Variants in PCDHGA8 observed in about 807,000 individuals in gnomAD.
PCDHGA8 encodes protocadherin gamma subfamily A, 8.
PCDHGA8 carries 45 observed loss-of-function variants against 59.2 expected under a neutral mutation model. That is an observed-to-expected ratio of 0.76 (90% CI 0.60 to 0.98). PCDHGA8 has a LOEUF of 0.98. Among genes scored for constraint, PCDHGA8 ranks in the 50% least tolerant of loss-of-function variants. The pLI, the probability that PCDHGA8 is intolerant of heterozygous loss-of-function variation, is 0.00. For synonymous variants in PCDHGA8, 531 were observed against 519.0 expected (o/e 1.02, Z -0.32); for missense variants, 1,257 against 1,196.2 (o/e 1.05, Z -0.75).
At chr5:141,510,627 G>C (rs2099881988) in intron 3 of PCDHGA8, among the ~76,000 whole-genome samples, 2 of 152,090 alleles carry the variant, frequency 1.3e-5, no homozygotes, top group South Asian at 2.1e-4. Context: ...AACCAGAAGA[G>C]GTGGTTACCA....
At position 141,487,499 on chromosome 5, in the gene PCDHGA8, G is replaced by C; in HGVS notation, c.2425-7308G>C. 6.2e-7 allele frequency: 1 copy of C among 1,614,152 alleles called. No individual in the cohort carries two copies. The highest frequency in any genetic ancestry group is 1.3e-5 in the African/African-American group (1 of 75,042). ...CCACTCTCATGGCTGTACACCCTTG[G>C]CTTCTGCACCCACTCGGAGTGATAG... On this transcript the variant is annotated intron_variant, in intron 1 of 3. Coordinates refer to ENST00000398604, the MANE Select transcript of PCDHGA8 (RefSeq NM_032088.2). The surrounding 1 kb of genome is among the most constrained non-coding windows in gnomAD (Gnocchi z 5.0).
chr5:141,417,923 C>T, intron 1 of PCDHGA8: 1 of 1,608,652 alleles, frequency 6.2e-7, no homozygotes, highest in Non-Finnish European at 8.5e-7. Context: ...TCCTTTGCTG[C>T]TGCCTTTGTT....
intron 1 of PCDHGA8, among the ~76,000 whole-genome samples, chr5:141,407,447 G>A (rs1347838571): frequency 3.9e-5 from 6 of 152,260 alleles, no homozygotes; most frequent in African/African-American, 2.4e-5. Context: ...ACCAGAACAC[G>A]AGGCTCACCA....
chr5:141,411,766 C>A (rs796623075), intron 1 of PCDHGA8: 1 of 152,454 alleles, frequency 6.6e-6, no homozygotes, highest in South Asian at 2.1e-4. Context: ...CCTGTGGTCT[C>A]AGCTACTCTG....
chr5:141,409,279 T>C, intron 1 of PCDHGA8: 1 of 1,613,972 alleles, frequency 6.2e-7, no homozygotes, highest in Non-Finnish European at 8.5e-7. Context: ...TTTTGGAGAA[T>C]TCACCTCCAG....
At chr5:141,438,605 T>TAC (rs2098010130) in intron 1 of PCDHGA8, among the ~76,000 whole-genome samples, 1 of 27,802 alleles carries the variant, frequency 3.6e-5, no homozygotes. Flanking sequence ...TATATATATA[T>TAC]ATATATATAT....
In PCDHGA8 at chr5:141,394,595, G is replaced by A; in HGVS notation, c.1782G>A (p.Val594=). The change falls in exon 1 of 4, where the codon GTG becomes GTA. Residue 594 remains valine, a synonymous_variant. Coordinates refer to ENST00000398604, the MANE Select transcript of PCDHGA8 (RefSeq NM_032088.2). ...ACCTGGTGACCAAGGTGGTGGCGGT[G>A]GACAGAGACTCGGGCCAGAACGCCT... ...RGYLVTKVVA[V]DRDSGQNAWL... The A allele has an allele frequency of 6.2e-7, 1 of 1,613,740 alleles. No homozygotes were observed. Among genetic ancestry groups the A allele is most frequent in the Non-Finnish European group, 8.5e-7 (1 of 1,180,030 alleles).
At chr5:141,479,358 GC>G (rs2154577546) in intron 1 of PCDHGA8, 1 of 152,584 alleles carries the variant, frequency 6.6e-6, no homozygotes, top group Non-Finnish European at 1.5e-5. Flanking sequence ...GCTGCTCAGT[GC>G]CTGAGGTGGG....
Position 141,412,876 on chromosome 5 carries a change from A to G in PCDHGA8, c.2424+17639A>G, listed in dbSNP as rs1206092699. 12 of 281,096 alleles carry G rather than the reference A, an allele frequency of 4.3e-5. No homozygotes were observed. The East Asian group carries it at 7.9e-4, about 19-fold the overall frequency. The allele number at this position is 281,096 out of a possible 1,614,324, so 17.4% of individuals were successfully genotyped here. A position where few individuals can be genotyped will look rare whatever the true frequency, so the allele number is the denominator to read the frequency against. On this transcript the variant is annotated intron_variant, in intron 1 of 3. Coordinates refer to ENST00000398604, the MANE Select transcript of PCDHGA8 (RefSeq NM_032088.2). ...CAAAGAATCTATGTAAAATATAATAATCCAACAGAATAGTTTACTTTCCAT... is the reference window on the plus strand; with the variant it reads ...CAAAGAATCTATGTAAAATATAATAGTCCAACAGAATAGTTTACTTTCCAT...
rs1028782991 is a variant in PCDHGA8, at chr5:141,503,926, C to T, written c.2484-1467C>T. 2.6e-5 allele frequency among the ~76,000 whole-genome samples: 4 copies of T among 152,196 alleles called. No individual in the cohort carries two copies. The East Asian group carries it at 7.7e-4, about 29-fold the overall frequency. ...ACACACAACGCAACACACACACAGA[C>T]ATTTTCATGCCTTCAAGGCCTACCC... On this transcript the variant is annotated intron_variant, in intron 2 of 3. Coordinates refer to ENST00000398604, the MANE Select transcript of PCDHGA8 (RefSeq NM_032088.2).
At chr5:141,419,686 G>A (rs551990092) in intron 1 of PCDHGA8, 2 of 1,612,760 alleles carry the variant, frequency 1.2e-6, no homozygotes, top group Non-Finnish European at 1.7e-6. Flanking sequence ...ACCACGTGGT[G>A]CAGGCCAGTG....
At chr5:141,433,205 TTTC>T in intron 1 of PCDHGA8, 1 of 1,573,264 alleles carries the variant, frequency 6.4e-7, no homozygotes, top group Non-Finnish European at 8.6e-7. Context: ...TCAAATCTTC[TTTC>T]TTTTTTTTTT....
intron 1 of PCDHGA8, chr5:141,400,053 G>C: frequency 6.2e-7 from 1 of 1,613,736 alleles, no homozygotes; most frequent in Non-Finnish European, 8.5e-7. Flanking sequence ...TGGTTGCTGT[G>C]CGTGATGGTG....
intron 2 of PCDHGA8, among the ~76,000 whole-genome samples, chr5:141,500,189 TTTATTTA>T (rs1562193869): frequency 4.5e-5 from 5 of 110,894 alleles, no homozygotes; most frequent in African/African-American, 1.8e-4. Context: ...TTTATTTTTA[TTTATTTA>T]TTTATTTATT....
intron 1 of PCDHGA8, among the ~76,000 whole-genome samples, chr5:141,494,338 ACAG>A (rs2099753688): frequency 6.6e-6 from 1 of 152,224 alleles, no homozygotes; most frequent in African/African-American, 2.4e-5. Flanking sequence ...GTTACCAAGA[ACAG>A]CAGCCATCTT....
intron 1 of PCDHGA8, among the ~76,000 whole-genome samples, chr5:141,467,591 T>C (rs765816743): frequency 3.3e-5 from 5 of 152,360 alleles, no homozygotes; most frequent in South Asian, 4.1e-4. Flanking sequence ...ATGCCATTTA[T>C]TAAGCACTTC....
At position 141,491,942 on chromosome 5, in the gene PCDHGA8, C is replaced by T. The variant is rs932715298; in HGVS notation, c.2425-2865C>T. 6.4e-5 allele frequency: 72 copies of T among 1,122,376 alleles called. No individual in the cohort carries two copies. Among genetic ancestry groups the T allele is most frequent in the Admixed American group, 3.5e-5 (1 of 28,738 alleles). 69.5% of individuals were successfully genotyped at this position (1,122,376 alleles called of 1,614,324 possible). A position where few individuals can be genotyped will look rare whatever the true frequency, so the allele number is the denominator to read the frequency against. ...GGCGAGGGGAGGTGGGACCGACCCC[C>T]ACCCCTACACTCAAAAAAGGCCGGG... is the stretch of plus-strand genomic sequence containing the variant. On this transcript the variant is annotated intron_variant, in intron 1 of 3. Transcript: ENST00000398604. The surrounding 1 kb of genome is among the most constrained non-coding windows in gnomAD (Gnocchi z 6.9).
At chr5:141,413,338 G>A in intron 1 of PCDHGA8, 1 of 1,613,980 alleles carries the variant, frequency 6.2e-7, no homozygotes, top group African/African-American at 1.3e-5. Context: ...CATCTCCAAG[G>A]ACTTGGGTCT....
At position 141,410,351 on chromosome 5, in the gene PCDHGA8, C is replaced by T. The variant is rs372351374; in HGVS notation, c.2424+15114C>T. ...TCTGGCCATTGCCTTGCGCCTGCGA[C>T]GCTCTCTCAGCCCTGCTACTTGGGA... On this transcript the variant is annotated intron_variant, in intron 1 of 3. Coordinates refer to ENST00000398604, the MANE Select transcript of PCDHGA8 (RefSeq NM_032088.2). The T allele has an allele frequency of 2.5e-6, 4 of 1,613,948 alleles. No homozygotes were observed. In the African/African-American group the frequency reaches 4.0e-5, roughly 16 times the overall value.
Sources: allele counts gnomAD v4.1 joint callset (sites outside exome capture counted in the v4.1 genomes callset), GRCh38; gene constraint gnomAD v4.1.1; non-coding constraint Gnocchi (gnomAD v3.1); transcripts MANE v1.5; gene names NCBI Gene and HGNC (gene_info 2026-07-23, HGNC 2026-07-21).